UBE2G2: variants seen among roughly 807,000 people sequenced by gnomAD.
UBE2G2 encodes the protein ubiquitin-conjugating enzyme E2 G2.
A neutral mutation model predicts 23.0 loss-of-function variants in UBE2G2; 10 were observed. The observed-to-expected ratio is 0.43, with a 90% CI of 0.27 to 0.74. UBE2G2 has a LOEUF of 0.74. UBE2G2 is among the 30% of genes least tolerant of loss of function. The probability of loss-of-function intolerance (pLI) is 0.19; values close to 1 mark genes in which losing one functional copy is unlikely to be tolerated. For synonymous variants in UBE2G2, 86 were observed against 81.3 expected, an observed-to-expected ratio of 1.06 and a Z score of -0.31; for missense variants, 150 against 218.3, an observed-to-expected ratio of 0.69 and a Z score of 1.97.
intron 1 of UBE2G2, among the ~76,000 whole-genome samples, chr21:44,789,098 C>CA (rs1555962559): frequency 6.6e-6 from 1 of 151,794 alleles, no homozygotes; most frequent in African/African-American, 2.4e-5. Flanking sequence ...AAAGAATAAA[C>CA]AGAGGGCCAG....
chr21:44,797,222 ATTTAGGT>A (rs1336139477), intron 1 of UBE2G2, among the ~76,000 whole-genome samples: 33 of 152,248 alleles, frequency 2.2e-4, no homozygotes, highest in Non-Finnish European at 4.4e-4. Context: ...ATCAACCATT[ATTTAGGT>A]CTTATTACTG....
At chr21:44,798,487 C>T (rs1387229128) in intron 1 of UBE2G2, among the ~76,000 whole-genome samples, 5 of 152,222 alleles carry the variant, frequency 3.3e-5, no homozygotes, top group African/African-American at 7.2e-5. Context: ...ACCCTCAAAC[C>T]CTGCGGCTGC....
At chr21:44,780,939 C>G (rs782652118) in intron 3 of UBE2G2, among the ~76,000 whole-genome samples, 4 of 152,226 alleles carry the variant, frequency 2.6e-5, no homozygotes, top group Non-Finnish European at 4.4e-5. Context: ...CCTTATGGAG[C>G]ACCCAGGGCA....
At chr21:44,801,675 C>T (rs371645918) in intron 1 of UBE2G2, 31 bp downstream of exon 1, 1 of 1,505,234 alleles carries the variant, frequency 6.6e-7, no homozygotes, top group Non-Finnish European at 8.9e-7. Context: ...GAACGCGGGA[C>T]GCTGCTGACG....
At chr21:44,801,596 GC>G in intron 1 of UBE2G2, 109 bp downstream of exon 1, 1 of 1,351,100 alleles carries the variant, frequency 7.4e-7, no homozygotes, top group Non-Finnish European at 9.6e-7. Context: ...CACGGTGGAG[GC>G]CCCGGGCCCG....
At chr21:44,786,265 T>TA (rs1226646328) in intron 3 of UBE2G2, among the ~76,000 whole-genome samples, 59 of 152,144 alleles carry the variant, frequency 3.9e-4, no homozygotes, top group African/African-American at 1.4e-3. Flanking sequence ...TCTACAGAAA[T>TA]AAAAAGAGCT....
intron 3 of UBE2G2, chr21:44,785,612 G>C (rs138794226): frequency 6.6e-6 from 1 of 152,364 alleles, no homozygotes; most frequent in Non-Finnish European, 1.5e-5. Context: ...CTAGGGTAGA[G>C]AGGCGGCCCT....
chr21:44,800,961 G>C (rs2083131396), intron 1 of UBE2G2: 1 of 152,188 alleles, frequency 6.6e-6, no homozygotes, highest in Admixed American at 6.5e-5. Flanking sequence ...CAAGCAGAGA[G>C]GCCGGGTCTG....
rs80051291 is a variant in UBE2G2, at chr21:44,778,577, C to G, written c.126-1160G>C. 2.7e-3 allele frequency among the ~76,000 whole-genome samples: 410 copies of G among 152,302 alleles called. 8 individuals are homozygous for G. Among genetic ancestry groups the G allele is most frequent in the African/African-American group, 8.7e-3 (361 of 41,556 alleles). On this transcript the variant is annotated intron_variant, in intron 3 of 5. Transcript: ENST00000345496. Reference sequence around the variant, plus strand: ...AGAGTGTCAGCCACTATGCCTGTACCTTCACACCAGGGACGAACTCCTCTT... The same window carrying G: ...AGAGTGTCAGCCACTATGCCTGTACGTTCACACCAGGGACGAACTCCTCTT...
chr21:44,801,790 G>A lies in UBE2G2; in HGVS notation c.-42C>T. The stretch of plus-strand genomic sequence containing the variant: ...CGCCGAGCGACCTCGCCTCAGCCGC[G>A]CGCGTGCCTCCTGCCCCGACACCGG... On this transcript the variant is annotated 5_prime_UTR_variant, in exon 1 of 6. Coordinates refer to ENST00000345496, the MANE Select transcript of UBE2G2 (RefSeq NM_003343.6). The A allele has an allele frequency of 2.0e-6, 3 of 1,503,680 alleles. No homozygotes were observed. The highest frequency in any genetic ancestry group is 1.8e-6 in the Non-Finnish European group (2 of 1,130,096). 93.1% of individuals were successfully genotyped at this position (1,503,680 alleles called of 1,614,324 possible). A position where few individuals can be genotyped will look rare whatever the true frequency, so the allele number is the denominator to read the frequency against.
intron 3 of UBE2G2, among the ~76,000 whole-genome samples, chr21:44,786,385 A>G (rs1400988089): frequency 5.3e-5 from 8 of 152,204 alleles, no homozygotes; most frequent in Admixed American, 4.6e-4. Context: ...ACACAAACAC[A>G]GATTCCAGAA....
At chr21:44,788,291 T>TG (rs1215149763) in intron 1 of UBE2G2, among the ~76,000 whole-genome samples, 196 bp from the exon 2 acceptor site, 1 of 147,928 alleles carries the variant, frequency 6.8e-6, no homozygotes, top group South Asian at 2.2e-4. Context: ...TTTTTTGTTT[T>TG]TTTTTTGTTT....
chr21:44,787,887 C>G, intron 3 of UBE2G2, 33 bp downstream of exon 3: 1 of 1,608,956 alleles, frequency 6.2e-7, no homozygotes, highest in South Asian at 1.1e-5. Context: ...TCCAGCAAAG[C>G]CCTAAAAACT....
At chr21:44,785,617 G>A (rs1442702942) in intron 3 of UBE2G2, 5 of 152,158 alleles carry the variant, frequency 3.3e-5, no homozygotes, top group Admixed American at 6.5e-5. Context: ...GTAGAGAGGC[G>A]GCCCTGGAAG....
chr21:44,789,917 A>C (rs1184066746), intron 1 of UBE2G2, among the ~76,000 whole-genome samples: 2 of 152,100 alleles, frequency 1.3e-5, no homozygotes, highest in African/African-American at 4.8e-5. Context: ...GTAAGGGCAC[A>C]AGGAGAAGAC....
chr21:44,778,355 A>T (rs531392693), intron 3 of UBE2G2, among the ~76,000 whole-genome samples: 6 of 152,346 alleles, frequency 3.9e-5, no homozygotes, highest in Non-Finnish European at 8.8e-5. Flanking sequence ...CATCCCACTG[A>T]TGCAACATTG....
chr21:44,794,947 C>G (rs890558170), intron 1 of UBE2G2, among the ~76,000 whole-genome samples: 1 of 152,170 alleles, frequency 6.6e-6, no homozygotes, highest in East Asian at 1.9e-4. Context: ...TGCTCAACAT[C>G]ACGAGTCTTA....
intron 1 of UBE2G2, among the ~76,000 whole-genome samples, chr21:44,798,580 A>G (rs1426532580): frequency 1.3e-5 from 2 of 152,226 alleles, no homozygotes. Context: ...AGTAGATTCC[A>G]TCTCAAGAAT....
intron 3 of UBE2G2, among the ~76,000 whole-genome samples, chr21:44,779,697 G>C (rs1555961087): frequency 6.6e-6 from 1 of 152,230 alleles, no homozygotes; most frequent in Non-Finnish European, 1.5e-5. Context: ...CAGTACAAGA[G>C]CTCAGAGCAA....
Sources: allele counts gnomAD v4.1 joint callset (sites outside exome capture counted in the v4.1 genomes callset), GRCh38; gene constraint gnomAD v4.1.1; transcripts MANE v1.5; gene names NCBI Gene and HGNC (gene_info 2026-07-23, HGNC 2026-07-21).